The following ZGPAT variants were observed in gnomAD, a reference collection of about 807,000 sequenced individuals.
ZGPAT encodes zinc finger CCCH-type and G-patch domain containing.
Under a neutral mutation model 47.9 loss-of-function variants are expected in ZGPAT, and 39 were observed. The ratio of observed to expected loss-of-function variants is 0.81; its 90% CI spans 0.63 to 1.06. ZGPAT has a LOEUF of 1.06. Ranked by LOEUF, ZGPAT falls within the 50% of genes least tolerant of loss-of-function variation. The probability of loss-of-function intolerance (pLI) is 0.00; values close to 1 mark genes in which losing one functional copy is unlikely to be tolerated. For missense variants in ZGPAT, 717 were observed against 681.4 expected (o/e 1.05, Z -0.58); for synonymous variants, 348 against 292.9 (o/e 1.19, Z -1.92).
intron 2 of ZGPAT, among the ~76,000 whole-genome samples, chr20:63,724,697 A>G (rs2145672531): frequency 7.3e-6 from 1 of 136,588 alleles, no homozygotes; most frequent in East Asian, 2.1e-4. Context: ...TTTTTGAGAC[A>G]AAGTCTCACT....
At chr20:63,733,074 G>C (rs2091938985) in intron 2 of ZGPAT, 145 bp from the exon 3 acceptor site, 1 of 1,010,780 alleles carries the variant, frequency 9.9e-7, no homozygotes, top group African/African-American at 1.6e-5. Flanking sequence ...GTGTGTGCGT[G>C]AGTGTGTGAG....
In ZGPAT at chr20:63,735,865, C is replaced by A; in HGVS notation, c.1482C>A (p.Gly494=). 2 of 1,612,902 alleles carry A rather than the reference C, an allele frequency of 1.2e-6. No homozygotes were observed. Among genetic ancestry groups the A allele is most frequent in the Non-Finnish European group, 1.7e-6 (2 of 1,179,932 alleles). The part of the protein sequence containing the change: ...QLGQLRAQEA[G]LQQEQRKADT... ...GGCAGCTCCGGGCTCAGGAAGCCGGCCTGCAGCAGGAGCAGAGGAAGGCAG... is the reference window on the plus strand; with the variant it reads ...GGCAGCTCCGGGCTCAGGAAGCCGGACTGCAGCAGGAGCAGAGGAAGGCAG... The change falls in exon 7 of 7, where the codon GGC becomes GGA. Residue 494 remains glycine (G), a synonymous_variant. Coordinates refer to ENST00000355969, the MANE Select transcript of ZGPAT (RefSeq NM_181485.3).
At chr20:63,733,953 T>C (rs2091949671) in intron 4 of ZGPAT, 3 of 609,352 alleles carry the variant, frequency 4.9e-6, no homozygotes, top group Admixed American at 3.3e-5. Context: ...TACAGTCTCA[T>C]TGATGGGAGG....
Position 63,735,985 on chromosome 20 carries a change from G to A in ZGPAT, c.*66G>A. 6.4e-7 allele frequency: 1 copy of A among 1,560,124 alleles called. No individual in the cohort carries two copies. Among genetic ancestry groups the A allele is most frequent in the Non-Finnish European group, 8.7e-7 (1 of 1,150,238 alleles). ...ACGGGCTGCCCTCAGGAAGACCAGT[G>A]TTGCCCGAGGAGGGGCCGGCCTGCT... On this transcript the variant is annotated 3_prime_UTR_variant, in exon 7 of 7. Transcript: ENST00000355969.
intron 2 of ZGPAT, among the ~76,000 whole-genome samples, chr20:63,723,030 C>T (rs1373847681): frequency 1.3e-5 from 2 of 152,186 alleles, no homozygotes; most frequent in Non-Finnish European, 2.9e-5. Context: ...CTCCCTTTTC[C>T]TCTGACATAG....
Position 63,724,363 on chromosome 20 carries a change from T to TAAAA in ZGPAT, c.585-8842_585-8839dup, listed in dbSNP as rs59890523. Among the ~76,000 whole-genome samples the TAAAA allele has an allele frequency of 5.6e-5, 7 of 124,646 alleles. 1 individual carries two copies. Among genetic ancestry groups the TAAAA allele is most frequent in the African/African-American group, 6.1e-5 (2 of 32,964 alleles). The allele number at this position is 124,646 out of a possible 152,430, so 81.8% of individuals were successfully genotyped here. A position where few individuals can be genotyped will look rare whatever the true frequency, so the allele number is the denominator to read the frequency against. ...CTAGATGACAGAGCGAGACTCTGCC[T>TAAAA]AAAAAAAAAAAAAAAAAGAAAAGAA... is the stretch of plus-strand genomic sequence containing the variant. On this transcript the variant is annotated intron_variant, in intron 2 of 6. Coordinates refer to ENST00000355969, the MANE Select transcript of ZGPAT (RefSeq NM_181485.3).
intron 4 of ZGPAT, chr20:63,734,257 C>T (rs1031785294): frequency 4.4e-5 from 11 of 249,402 alleles, no homozygotes; most frequent in Non-Finnish European, 6.2e-5. Flanking sequence ...CCAAGCATGG[C>T]GGGCTGAGTC....
At chr20:63,726,567 G>A (rs575720988) in intron 2 of ZGPAT, among the ~76,000 whole-genome samples, 2 of 151,176 alleles carry the variant, frequency 1.3e-5, no homozygotes, top group South Asian at 4.2e-4. Context: ...CTGTCGCCCA[G>A]GCTGAAGTGC....
At chr20:63,710,933 C>T (rs2091660454) in intron 2 of ZGPAT, among the ~76,000 whole-genome samples, 1 of 152,068 alleles carries the variant, frequency 6.6e-6, no homozygotes, top group African/African-American at 2.4e-5. Context: ...AAATATTTAC[C>T]AAGCCTTCTA....
At chr20:63,726,778 C>T (rs905845484) in intron 2 of ZGPAT, among the ~76,000 whole-genome samples, 4 of 151,954 alleles carry the variant, frequency 2.6e-5, no homozygotes, top group Admixed American at 6.6e-5. Context: ...CTGCCCACCT[C>T]GGCCTCCCAA....
chr20:63,710,198 G>C (rs2091650398), intron 2 of ZGPAT, among the ~76,000 whole-genome samples: 1 of 145,768 alleles, frequency 6.9e-6, no homozygotes. Context: ...TCCTCACCCA[G>C]GCTGGAGTGT....
At position 63,708,565 on chromosome 20, in the gene ZGPAT, G is replaced by A; in HGVS notation, c.-16G>A. On this transcript the variant is annotated 5_prime_UTR_variant, in exon 2 of 7. Transcript: ENST00000355969. ...TCTCTTCTTGCAGCCCTGGTCCAGC[G>A]CCTCCCTCTCTCAGCATGGACGAGG... The A allele has an allele frequency of 6.4e-7, 1 of 1,570,768 alleles. No individual in the cohort carries two copies. Among genetic ancestry groups the A allele is most frequent in the South Asian group, 1.2e-5 (1 of 86,694 alleles).
At chr20:63,711,406 A>G (rs1388341679) in intron 2 of ZGPAT, among the ~76,000 whole-genome samples, 1 of 152,170 alleles carries the variant, frequency 6.6e-6, no homozygotes, top group Non-Finnish European at 1.5e-5. Context: ...AAACAGGAGT[A>G]GAAGAACTGA....
chr20:63,712,667 G>A (rs915634229), intron 2 of ZGPAT, among the ~76,000 whole-genome samples: 8 of 152,246 alleles, frequency 5.3e-5, no homozygotes, highest in East Asian at 3.9e-4. Flanking sequence ...AGGCTGAGGC[G>A]GGCATATCAC....
chr20:63,722,919 C>T (rs1372471685), intron 2 of ZGPAT, among the ~76,000 whole-genome samples: 8 of 152,220 alleles, frequency 5.3e-5, no homozygotes, highest in Non-Finnish European at 1.5e-5. Context: ...GTGTGAGCGA[C>T]TGCACTGAGC....
rs1300810915 is a variant in ZGPAT, at chr20:63,733,348, C to A, written c.714C>A (p.Ile238=). The change falls in exon 3 of 7, where the codon ATC becomes ATA. Residue 238 remains isoleucine, a synonymous_variant. Coordinates refer to ENST00000355969, the MANE Select transcript of ZGPAT (RefSeq NM_181485.3). ...HQDGLWHAAR[I]TDVDNGYYTV... is the part of the protein sequence containing the mutation. ...ATGGCCTCTGGCACGCAGCACGCATCACCGGTGAGGCTGGCCGTGGGGGCC... is the reference window on the plus strand; with the variant it reads ...ATGGCCTCTGGCACGCAGCACGCATAACCGGTGAGGCTGGCCGTGGGGGCC... 6 of 1,610,874 alleles carry A rather than the reference C, an allele frequency of 3.7e-6. No individual in the cohort carries two copies. The highest frequency in any genetic ancestry group is 5.1e-6 in the Non-Finnish European group (6 of 1,179,566).
intron 4 of ZGPAT, 123 bp from the exon 5 acceptor site, chr20:63,734,582 C>G: frequency 6.6e-7 from 1 of 1,520,302 alleles, no homozygotes; most frequent in Non-Finnish European, 8.8e-7. Flanking sequence ...TGGTCAAAGC[C>G]CGGGTCACCA....
chr20:63,734,499 C>T (rs1011801424), intron 4 of ZGPAT: 8 of 992,268 alleles, frequency 8.1e-6, no homozygotes, highest in African/African-American at 1.7e-5. Context: ...CACATGCCCA[C>T]AGCAGCCTCG....
At chr20:63,713,587 C>T (rs948062820) in intron 2 of ZGPAT, among the ~76,000 whole-genome samples, 1 of 150,472 alleles carries the variant, frequency 6.6e-6, no homozygotes, top group Non-Finnish European at 1.5e-5. Flanking sequence ...TATAGAAATA[C>T]AAGCTGGGCA....
Sources: gnomAD v4.1 joint callset for allele counts (sites outside exome capture counted in the v4.1 genomes callset) on GRCh38, gnomAD v4.1.1 for gene constraint, MANE v1.5 for transcripts, NCBI Gene and HGNC (gene_info 2026-07-23, HGNC 2026-07-21) for gene names.